The following MAPK8IP1 variants were observed in gnomAD, a reference collection of about 807,000 sequenced individuals.
MAPK8IP1 encodes the protein C-Jun-amino-terminal kinase-interacting protein 1.
MAPK8IP1 carries 17 observed loss-of-function variants against 72.6 expected under a neutral mutation model. That is an observed-to-expected ratio of 0.23 (90% confidence interval 0.16 to 0.35). MAPK8IP1 has a LOEUF of 0.35. Ranked by LOEUF, MAPK8IP1 falls within the 10% of genes least tolerant of loss-of-function variation. The pLI, the probability that MAPK8IP1 is intolerant of heterozygous loss-of-function variation, is 1.00. For synonymous variants in MAPK8IP1, 401 were observed against 443.4 expected (o/e 0.90, Z 1.20); for missense variants, 789 against 1,009.7 (o/e 0.78, Z 2.96).
At chr11:45,893,491 G>A (rs1355879227) in intron 1 of MAPK8IP1, among the ~76,000 whole-genome samples, 2 of 152,178 alleles carry the variant, frequency 1.3e-5, no homozygotes, top group Admixed American at 6.5e-5. Context: ...AGGGCCTCAG[G>A]TAGAAAGGTC....
intron 1 of MAPK8IP1, among the ~76,000 whole-genome samples, chr11:45,895,937 C>G (rs1028981140): frequency 1.3e-5 from 2 of 152,104 alleles, no homozygotes; most frequent in African/African-American, 4.8e-5. Context: ...CCCCAGCTGG[C>G]CAGCCACACC....
chr11:45,894,029 C>T (rs1242698592), intron 1 of MAPK8IP1, among the ~76,000 whole-genome samples: 1 of 151,950 alleles, frequency 6.6e-6, no homozygotes, highest in South Asian at 2.1e-4. Flanking sequence ...TTGGTAGTGA[C>T]CTCCTACTCA....
At chr11:45,897,005 G>A (rs1008483308) in intron 1 of MAPK8IP1, 46 of 1,534,098 alleles carry the variant, frequency 3.0e-5, no homozygotes, top group Middle Eastern at 1.9e-4. Flanking sequence ...GAGCTCCATC[G>A]AGCTCAGGGT....
chr11:45,900,193 A>T lies in MAPK8IP1; in HGVS notation c.263A>T (p.Gln88Leu). Residue 88 changes from glutamine to leucine, a missense_variant, in exon 3 of 12, where the codon CAG becomes CTG. By Grantham distance (113) the Gln-to-Leu change is moderately radical. Around this residue, in one of 4 missense-constraint regions of MAPK8IP1, gnomAD observed 112 missense variants for 192.8 expected, o/e 0.58. Transcript: ENST00000241014. The surrounding 1 kb of genome is among the most constrained non-coding windows in gnomAD (Gnocchi z 6.5). The stretch of plus-strand genomic sequence containing the variant: ...GGCGGCGGCGCGGGGAGCCGGTTGC[A>T]GGCCGAGATGCTGCAGATGGACCTG... ...AGGGGAGSRL[Q>L]AEMLQMDLID... is the part of the protein sequence containing the mutation. 7.6e-7 allele frequency: 1 copy of T among 1,316,718 alleles called. No homozygotes were observed. The highest frequency in any genetic ancestry group is 9.6e-7 in the Non-Finnish European group (1 of 1,040,268). The allele number at this position is 1,316,718 out of a possible 1,614,324, so 81.6% of individuals were successfully genotyped here. A position where few individuals can be genotyped will look rare whatever the true frequency, so the allele number is the denominator to read the frequency against.
Position 45,902,105 on chromosome 11 carries a change from G to T in MAPK8IP1, c.604+44G>T. On this transcript the variant is annotated intron_variant, in intron 4 of 11. Coordinates refer to ENST00000241014, the MANE Select transcript of MAPK8IP1 (RefSeq NM_005456.4). This position sits in a 1 kb window ranked among gnomAD's most constrained non-coding sequence, Gnocchi z 9.3. ...CCTTACCTGGACCTCCGCCTGCCCT[G>T]ACTCAGTCCCCACTACAGAGAGCAA... 1 of 1,529,600 alleles carries T rather than the reference G, an allele frequency of 6.5e-7. No homozygotes were observed. The highest frequency in any genetic ancestry group is 1.1e-5 in the South Asian group (1 of 89,370). 94.8% of individuals were successfully genotyped at this position (1,529,600 alleles called of 1,614,324 possible).
chr11:45,902,511 G>C lies in MAPK8IP1; in HGVS notation c.744G>C (p.Pro248=). The change falls in exon 5 of 12, where the codon CCG becomes CCC. Residue 248 remains proline, a synonymous_variant. Coordinates refer to ENST00000241014, the MANE Select transcript of MAPK8IP1 (RefSeq NM_005456.4). The surrounding 1 kb of genome is among the most constrained non-coding windows in gnomAD (Gnocchi z 9.3). ...GCACAGCCACCCAGATGGCACCTCC[G>C]GGTGGTCCCCCTGCTGCCCCGCCTG... The part of the protein sequence containing the change: ...RRSTATQMAP[P]GGPPAAPPGG... 6.2e-7 allele frequency: 1 copy of C among 1,609,776 alleles called. No individual in the cohort carries two copies. The highest frequency in any genetic ancestry group is 8.5e-7 in the Non-Finnish European group (1 of 1,178,772).
At chr11:45,898,386 ATTAT>A (rs2134672107) in intron 2 of MAPK8IP1, among the ~76,000 whole-genome samples, 196 bp downstream of exon 2, 1 of 152,268 alleles carries the variant, frequency 6.6e-6, no homozygotes, top group Admixed American at 6.5e-5. Context: ...TGGTATTATT[ATTAT>A]TATTACTGCT....
chr11:45,902,630 G>A lies in MAPK8IP1; in HGVS notation c.863G>A (p.Arg288Lys), dbSNP rs1206551382. ...GAGATCTACCTGACCCCAGTGCAGA[G>A]GCCCCCAGACGCTGCAGAGCCCACC... ...TEEIYLTPVQ[R>K]PPDAAEPTSA... Residue 288 changes from arginine to lysine, a missense_variant, in exon 5 of 12, where the codon AGG becomes AAG. Transcript: ENST00000241014. This position sits in a 1 kb window ranked among gnomAD's most constrained non-coding sequence, Gnocchi z 9.3. The A allele has an allele frequency of 6.2e-7, 1 of 1,612,956 alleles. No individual in the cohort carries two copies. The highest frequency in any genetic ancestry group is 8.5e-7 in the Non-Finnish European group (1 of 1,179,928).
Position 45,900,117 on chromosome 11 carries a change from G to T in MAPK8IP1, c.208-21G>T, listed in dbSNP as rs1012731302. 2.5e-6 allele frequency: 3 copies of T among 1,204,390 alleles called. No homozygotes were observed. The highest frequency in any genetic ancestry group is 3.1e-6 in the Non-Finnish European group (3 of 971,208). 74.6% of individuals were successfully genotyped at this position (1,204,390 alleles called of 1,614,324 possible). On this transcript the variant is annotated intron_variant, in intron 2 of 11. Transcript: ENST00000241014. The surrounding 1 kb of genome is among the most constrained non-coding windows in gnomAD (Gnocchi z 6.5). The stretch of plus-strand genomic sequence containing the variant: ...CCCCGCCCCGGCCCCGCCCCCTGAC[G>T]CCCCTCCGTGCGCTGTGCAGCCCCC...
chr11:45,904,479 T>C lies in MAPK8IP1; in HGVS notation c.1691T>C (p.Val564Ala). Reference protein sequence around the residue: ...MAALAKNSDWVDQFRVKFLGS... With the variant: ...MAALAKNSDWADQFRVKFLGS... ...GCCCTGGCCAAAAACAGTGACTGGG[T>C]GGACCAGTTCCGGGTGAAGTTCCTG... Residue 564 changes from valine to alanine, a missense_variant, in exon 8 of 12, where the codon GTG becomes GCG. Val to Ala is a moderately conservative substitution (Grantham distance 64, BLOSUM62 0). This residue lies in a region of MAPK8IP1 where 188 missense variants were observed against 293.3 expected (regional missense o/e 0.64). Coordinates refer to ENST00000241014, the MANE Select transcript of MAPK8IP1 (RefSeq NM_005456.4). The surrounding 1 kb of genome is among the most constrained non-coding windows in gnomAD (Gnocchi z 6.4). 1 of 1,614,074 alleles carries C rather than the reference T, an allele frequency of 6.2e-7. No individual in the cohort carries two copies. The highest frequency in any genetic ancestry group is 8.5e-7 in the Non-Finnish European group (1 of 1,180,008).
Position 45,898,093 on chromosome 11 carries a change from A to G in MAPK8IP1, c.110A>G (p.His37Arg). The change falls in exon 2 of 12, where the codon CAT becomes CGT. Residue 37 changes from histidine (H) to arginine (R), a missense_variant. This residue lies in a region of MAPK8IP1 where 112 missense variants were observed against 111.8 expected (regional missense o/e 1.00). Coordinates refer to ENST00000241014, the MANE Select transcript of MAPK8IP1 (RefSeq NM_005456.4). ...IASPPNFRLT[H>R]DISLEEFEDE... The stretch of plus-strand genomic sequence containing the variant: ...CTTCCTGTCCCCACCAGGCTCACCC[A>G]TGACATCAGCCTGGAGGAGTTTGAG... The G allele has an allele frequency of 1.9e-6, 3 of 1,611,670 alleles. No homozygotes were observed. The highest frequency in any genetic ancestry group is 2.5e-6 in the Non-Finnish European group (3 of 1,177,906).
In MAPK8IP1 at chr11:45,905,526, C is replaced by T. The variant is rs559191601; in HGVS notation, c.2064-123C>T. On this transcript the variant is annotated intron_variant, in intron 11 of 11. Transcript: ENST00000241014. ...CTGTAGAGAACAGAGCCAAGTGGCC[C>T]CAGCCAGAGGAACCAGAGCTGCACT... 105 of 913,666 alleles carry T rather than the reference C, an allele frequency of 1.1e-4. 5 individuals are homozygous for T. The South Asian group carries it at 1.4e-3, about 12-fold the overall frequency. 56.6% of individuals were successfully genotyped at this position (913,666 alleles called of 1,614,324 possible). A position where few individuals can be genotyped will look rare whatever the true frequency, so the allele number is the denominator to read the frequency against.
intron 1 of MAPK8IP1, among the ~76,000 whole-genome samples, chr11:45,893,670 G>T (rs538073928): frequency 6.6e-6 from 1 of 152,010 alleles, no homozygotes; most frequent in South Asian, 2.1e-4. Flanking sequence ...GAGGGAGGCC[G>T]GCCTGCGGAG....
chr11:45,896,777 C>A, intron 1 of MAPK8IP1: 1 of 1,520,856 alleles, frequency 6.6e-7, no homozygotes. Context: ...GCGGTGGAGG[C>A]CAGAGGCCCC....
chr11:45,897,631 C>A (rs1321197103), intron 1 of MAPK8IP1, among the ~76,000 whole-genome samples: 2 of 152,206 alleles, frequency 1.3e-5, no homozygotes, highest in African/African-American at 4.8e-5. Context: ...GGGCGTGGGG[C>A]ACTCCTCTGA....
At chr11:45,886,091 A>C (rs1423155464) in intron 1 of MAPK8IP1, among the ~76,000 whole-genome samples, 170 bp downstream of exon 1, 2 of 151,784 alleles carry the variant, frequency 1.3e-5, no homozygotes, top group Non-Finnish European at 2.9e-5. Context: ...CGCCAGCCTC[A>C]AGTCCGGACT....
At position 45,900,468 on chromosome 11, in the gene MAPK8IP1, G is replaced by T. The variant is rs373338343; in HGVS notation, c.522+16G>T. The T allele has an allele frequency of 1.7e-5, 26 of 1,530,626 alleles. No homozygotes were observed. In the East Asian group the frequency reaches 1.7e-4, roughly 10 times the overall value. 94.8% of individuals were successfully genotyped at this position (1,530,626 alleles called of 1,614,324 possible). On this transcript the variant is annotated intron_variant, in intron 3 of 11. Coordinates refer to ENST00000241014, the MANE Select transcript of MAPK8IP1 (RefSeq NM_005456.4). The surrounding 1 kb of genome is among the most constrained non-coding windows in gnomAD (Gnocchi z 6.5). ...GCGGTCTCAGGTGAGGCGCCAACGT[G>T]GGGGGCGGCGCCCTGGGCCGCCGCG... is the stretch of plus-strand genomic sequence containing the variant.
chr11:45,904,101 C>G lies in MAPK8IP1; in HGVS notation c.1606C>G (p.Arg536Gly). 6.2e-7 allele frequency: 1 copy of G among 1,614,016 alleles called. No individual in the cohort carries two copies. The highest frequency in any genetic ancestry group is 8.5e-7 in the Non-Finnish European group (1 of 1,180,018). Residue 536 changes from arginine to glycine, a missense_variant, in exon 7 of 12, where the codon CGG becomes GGG. Transcript: ENST00000241014. This position sits in a 1 kb window ranked among gnomAD's most constrained non-coding sequence, Gnocchi z 6.4. ...GGCCTACAACATGCGCACTGGTGCCCGGGGTGTCTTTCCTGCCTATTACGC... is the reference window on the plus strand; with the variant it reads ...GGCCTACAACATGCGCACTGGTGCCGGGGGTGTCTTTCCTGCCTATTACGC... ...YEAYNMRTGA[R>G]GVFPAYYAIE...
rs1242936320 is a variant in MAPK8IP1, at chr11:45,900,263, G to C, written c.333G>C (p.Glu111Asp). 2.3e-6 allele frequency: 3 copies of C among 1,332,424 alleles called. No individual in the cohort carries two copies. The highest frequency in any genetic ancestry group is 1.9e-5 in the South Asian group (1 of 51,426). 82.5% of individuals were successfully genotyped at this position (1,332,424 alleles called of 1,614,324 possible). Residue 111 changes from glutamate to aspartate, a missense_variant, in exon 3 of 12, where the codon GAG (glutamate) becomes GAC (aspartate). Physicochemically the swap from Glu to Asp is conservative, Grantham distance 45. This residue lies in a region of MAPK8IP1 where 112 missense variants were observed against 192.8 expected (regional missense o/e 0.58). Coordinates refer to ENST00000241014, the MANE Select transcript of MAPK8IP1 (RefSeq NM_005456.4). This position sits in a 1 kb window ranked among gnomAD's most constrained non-coding sequence, Gnocchi z 6.5. ...CTCCCGGGGCCGAGGACGACGAGGAGGACGACGACGAGGAGCGCGCGGCCC... is the reference window on the plus strand; with the variant it reads ...CTCCCGGGGCCGAGGACGACGAGGACGACGACGACGAGGAGCGCGCGGCCC... Reference protein sequence around the residue: ...GDTPGAEDDEEDDDEERAARR... With the variant: ...GDTPGAEDDEDDDDEERAARR...
Sources: gnomAD v4.1 joint callset for allele counts (sites outside exome capture counted in the v4.1 genomes callset) on GRCh38, gnomAD v4.1.1 for gene constraint, gnomAD v4.1.1 regional missense constraint, Gnocchi (gnomAD v3.1) non-coding constraint, MANE v1.5 for transcripts, NCBI Gene and HGNC (gene_info 2026-07-23, HGNC 2026-07-21) for gene names.